Variants in USP40 observed in about 807,000 individuals in gnomAD.
The protein encoded by USP40 is ubiquitin carboxyl-terminal hydrolase 40.
In USP40, 143 loss-of-function variants were observed where a neutral mutation model predicts 166.2. That is an observed-to-expected ratio of 0.86 (90% CI 0.75 to 0.99). The LOEUF is 0.99. Ranked by LOEUF, USP40 falls within the 50% of genes least tolerant of loss-of-function variation. The pLI, the probability that USP40 is intolerant of heterozygous loss-of-function variation, is 0.00. For missense variants in USP40, 1,444 were observed against 1,479.7 expected (o/e 0.98, Z 0.40); for synonymous variants, 498 against 524.0 (o/e 0.95, Z 0.68).
chr2:233,508,485 T>C (rs1041697820), intron 21 of USP40, among the ~76,000 whole-genome samples: 4 of 152,208 alleles, frequency 2.6e-5, no homozygotes, highest in African/African-American at 9.6e-5. Flanking sequence ...AATTGGTAAT[T>C]AGACCTAGAG....
At chr2:233,530,913 GT>G (rs1330747117) in intron 11 of USP40, among the ~76,000 whole-genome samples, 2 of 152,014 alleles carry the variant, frequency 1.3e-5, no homozygotes, top group Admixed American at 1.3e-4. Context: ...CTTTGCCCTA[GT>G]TTTTTCTTTC....
intron 29 of USP40, 39 bp from the exon 30 acceptor site, chr2:233,485,665 A>G: frequency 6.2e-7 from 1 of 1,605,148 alleles, no homozygotes; most frequent in Non-Finnish European, 8.5e-7. Flanking sequence ...GCAAAACTCA[A>G]CCTCAAGTTC....
chr2:233,543,139 A>G (rs1290632997), intron 8 of USP40, among the ~76,000 whole-genome samples: 1 of 152,152 alleles, frequency 6.6e-6, no homozygotes, highest in East Asian at 1.9e-4. Flanking sequence ...CCGGTAAGTT[A>G]TTTTCATTGC....
rs779740504 is a variant in USP40, at chr2:233,549,239, A to G, written c.838-10T>C. 3 of 1,333,908 alleles carry G rather than the reference A, an allele frequency of 2.2e-6. No homozygotes were observed. The highest frequency in any genetic ancestry group is 3.1e-6 in the Non-Finnish European group (3 of 981,652). 82.6% of individuals were successfully genotyped at this position (1,333,908 alleles called of 1,614,324 possible). A position where few individuals can be genotyped will look rare whatever the true frequency, so the allele number is the denominator to read the frequency against. On this transcript the variant is annotated splice_polypyrimidine_tract_variant and intron_variant, in intron 7 of 31. Coordinates refer to ENST00000678225, the MANE Select transcript of USP40 (RefSeq NM_001365479.2). ...AGTCATCCAATTCACTCTAAAAGAA[A>G]AAAGAACAAAAATATTGATATAGTT...
chr2:233,505,369 C>G (rs1015285629), intron 21 of USP40, among the ~76,000 whole-genome samples: 1 of 151,856 alleles, frequency 6.6e-6, no homozygotes, highest in South Asian at 2.1e-4. Context: ...TAGGAACTAA[C>G]AAAACAATTC....
intron 10 of USP40, among the ~76,000 whole-genome samples, chr2:233,537,783 G>C (rs970960569): frequency 3.9e-5 from 6 of 152,128 alleles, no homozygotes; most frequent in African/African-American, 1.4e-4. Context: ...TTTTTCACCT[G>C]CAATTCTGAA....
At chr2:233,503,562 C>T (rs1056203897) in intron 21 of USP40, among the ~76,000 whole-genome samples, 5 of 152,078 alleles carry the variant, frequency 3.3e-5, no homozygotes, top group African/African-American at 1.2e-4. Context: ...AGGAAATCCC[C>T]AGTAGACTAT....
rs2064512460 is a variant in USP40, at chr2:233,480,581, A to G, written c.3599+622T>C. Among the ~76,000 whole-genome samples, 1 of 152,240 alleles carries G rather than the reference A, an allele frequency of 6.6e-6. No individual in the cohort carries two copies. The highest frequency in any genetic ancestry group is 2.4e-5 in the African/African-American group (1 of 41,466). On this transcript the variant is annotated intron_variant, in intron 31 of 31. Transcript: ENST00000678225. This position sits in a 1 kb window ranked among gnomAD's most constrained non-coding sequence, Gnocchi z 4.5. The stretch of plus-strand genomic sequence containing the variant: ...ACTGCAAGCAGCACCTGCTTCCTCC[A>G]GTGGCAGTAAGTGCAGAGCCAGACA...
chr2:233,541,275 G>A (rs2069386167), intron 9 of USP40, among the ~76,000 whole-genome samples: 1 of 152,166 alleles, frequency 6.6e-6, no homozygotes, highest in Admixed American at 6.5e-5. Flanking sequence ...GACCACATTT[G>A]GAGATTAGAC....
intron 28 of USP40, 50 bp downstream of exon 28, chr2:233,488,189 G>T (rs765954825): frequency 2.0e-6 from 3 of 1,501,154 alleles, no homozygotes; most frequent in Non-Finnish European, 2.7e-6. Flanking sequence ...AAAGGCAAAC[G>T]AGGTTAAGAT....
rs2064781216 is a variant in USP40 at position 233,483,879 on chromosome 2, A to T, written c.3504+1652T>A. ...GAAAATTAATGAATATGATTTTCCT[A>T]CATAGATAACTAATTTTCCAGCACC... On this transcript the variant is annotated intron_variant, in intron 30 of 31. Transcript: ENST00000678225. 2.0e-5 allele frequency among the ~76,000 whole-genome samples: 3 copies of T among 152,338 alleles called. No homozygotes were observed. In the South Asian group the frequency reaches 6.2e-4, roughly 32 times the overall value.
Position 233,477,270 on chromosome 2 carries a change from C to A in USP40, c.*122G>T. The A allele has an allele frequency of 1.1e-6, 1 of 916,362 alleles. No homozygotes were observed. The highest frequency in any genetic ancestry group is 1.7e-6 in the Non-Finnish European group (1 of 584,784). 56.8% of individuals were successfully genotyped at this position (916,362 alleles called of 1,614,324 possible). On this transcript the variant is annotated 3_prime_UTR_variant, in exon 32 of 32. Coordinates refer to ENST00000678225, the MANE Select transcript of USP40 (RefSeq NM_001365479.2). ...AGGCCTCAGAGGAGCCGTCCCTGTGCTCAAAGGAAGCAGAGGATTTGGGAT... is the reference window on the plus strand; with the variant it reads ...AGGCCTCAGAGGAGCCGTCCCTGTGATCAAAGGAAGCAGAGGATTTGGGAT...
intron 10 of USP40, among the ~76,000 whole-genome samples, chr2:233,536,478 A>C (rs1440113898): frequency 6.6e-6 from 1 of 152,132 alleles, no homozygotes; most frequent in Non-Finnish European, 1.5e-5. Flanking sequence ...CAAAACCCTC[A>C]TCTCTACAAA....
In USP40 at chr2:233,533,672, G is replaced by A; in HGVS notation, c.1278C>T (p.Asp426=). The A allele has an allele frequency of 6.2e-7, 1 of 1,613,628 alleles. No homozygotes were observed. Among genetic ancestry groups the A allele is most frequent in the Non-Finnish European group, 8.5e-7 (1 of 1,179,782 alleles). ...GAGGAAGCATCTTGAAAATTTGCTG[G>A]TCATTCCTTTGGAAATCAGACTCAG... ...LQAESDFQRN[D]QQIFKMLPPE... The change falls in exon 11 of 32, where the codon GAC becomes GAT. Residue 426 remains aspartate, a synonymous_variant. Transcript: ENST00000678225.
chr2:233,552,892 G>A (rs1248174264), intron 6 of USP40, among the ~76,000 whole-genome samples: 1 of 152,206 alleles, frequency 6.6e-6, no homozygotes, highest in Non-Finnish European at 1.5e-5. Flanking sequence ...TCATAATGAA[G>A]TGACCGCATA....
Position 233,560,981 on chromosome 2 carries a change from T to G in USP40, c.268-1057A>C, listed in dbSNP as rs767226627. 6.5e-6 allele frequency: 5 copies of G among 767,310 alleles called. No homozygotes were observed. The South Asian group carries it at 7.4e-5, about 11-fold the overall frequency. 47.5% of individuals were successfully genotyped at this position (767,310 alleles called of 1,614,324 possible). On this transcript the variant is annotated intron_variant, in intron 3 of 31. Coordinates refer to ENST00000678225, the MANE Select transcript of USP40 (RefSeq NM_001365479.2). ...GCAGTATTGTACTTGGAAAACTGAT[T>G]CTTTCTCGGAAGGCAAATTCCATTA...
chr2:233,494,956 T>TTTTA (rs2065627243), intron 24 of USP40, among the ~76,000 whole-genome samples: 2 of 35,504 alleles, frequency 5.6e-5, no homozygotes, highest in African/African-American at 2.3e-4. Flanking sequence ...ATATATATAT[T>TTTTA]TATATATATA....
chr2:233,551,873 T>C (rs1197402319), intron 6 of USP40, among the ~76,000 whole-genome samples: 1 of 152,238 alleles, frequency 6.6e-6, no homozygotes, highest in Non-Finnish European at 1.5e-5. Context: ...TTCTTTTTAA[T>C]CAGTGAAGAA....
chr2:233,505,098 A>G lies in USP40; in HGVS notation c.2613+4951T>C, dbSNP rs77706580. On this transcript the variant is annotated intron_variant, in intron 21 of 31. Transcript: ENST00000678225. ...AATTAAACACGCTTCCAAAGAACCAATAAGTCAATGAAGAAAGTAAGAGGG... is the reference window on the plus strand; with the variant it reads ...AATTAAACACGCTTCCAAAGAACCAGTAAGTCAATGAAGAAAGTAAGAGGG... Among the ~76,000 whole-genome samples the G allele has an allele frequency of 4.7e-4, 72 of 152,206 alleles. No individual in the cohort carries two copies. The East Asian group carries it at 0.014, about 29-fold the overall frequency.
Sources: gnomAD v4.1 joint callset for allele counts (sites outside exome capture counted in the v4.1 genomes callset) on GRCh38, gnomAD v4.1.1 for gene constraint, Gnocchi (gnomAD v3.1) non-coding constraint, MANE v1.5 for transcripts, NCBI Gene and HGNC (gene_info 2026-07-23, HGNC 2026-07-21) for gene names.